The following FAM53A variants were observed in gnomAD, a reference collection of about 807,000 sequenced individuals.
FAM53A encodes family with sequence similarity 53 member A, also known as protein FAM53A.
FAM53A carries 28 observed loss-of-function variants against 26.6 expected under a neutral mutation model. That is an observed-to-expected ratio of 1.05 (90% CI 0.78 to 1.45). The LOEUF (loss-of-function observed/expected upper bound fraction) is 1.45, where lower values mean the gene tolerates loss of function less well. Ranked by LOEUF, FAM53A falls within the 40% of genes most tolerant of loss-of-function variation. The pLI is 0.00. For missense variants in FAM53A, 650 were observed against 575.8 expected, an observed-to-expected ratio of 1.13 and a Z score of -1.32; for synonymous variants, 290 against 253.1, an observed-to-expected ratio of 1.15 and a Z score of -1.38.
At chr4:1,586,819 G>A in the FAM53A span, among the ~76,000 whole-genome samples, 1 of 149,892 alleles carries the variant, frequency 6.7e-6, no homozygotes, top group Non-Finnish European at 1.5e-5. Context: ...TTGAATTGCT[G>A]AATCATGTGG....
downstream of FAM53A, among the ~76,000 whole-genome samples, chr4:1,614,522 G>A (rs897426291): frequency 8.6e-5 from 13 of 151,448 alleles, no homozygotes; most frequent in African/African-American, 1.7e-4. Context: ...ATGCAGAGAC[G>A]TGAGGGGGAT....
the FAM53A span, among the ~76,000 whole-genome samples, chr4:1,579,712 G>C: frequency 6.6e-6 from 1 of 152,212 alleles, no homozygotes; most frequent in Non-Finnish European, 1.5e-5. Flanking sequence ...CGACACCCGC[G>C]AGCCACGGCC....
the FAM53A span, among the ~76,000 whole-genome samples, chr4:1,606,040 CT>C: frequency 8.5e-4 from 116 of 135,806 alleles, no homozygotes; most frequent in Middle Eastern, 3.9e-3. Context: ...TCCTATGACT[CT>C]TTTTTTTTTT....
intron 1 of FAM53A, among the ~76,000 whole-genome samples, chr4:1,669,523 G>T (rs1263945188): frequency 6.6e-6 from 1 of 152,216 alleles, no homozygotes; most frequent in Admixed American, 6.5e-5. Context: ...GCGGCCCCAG[G>T]GCTGCTCCCA....
At chr4:1,672,157 C>G (rs1714713683) in intron 1 of FAM53A, among the ~76,000 whole-genome samples, 1 of 104,754 alleles carries the variant, frequency 9.5e-6, no homozygotes, top group Non-Finnish European at 2.2e-5. Context: ...CAGGTACCCA[C>G]AGACCCAGGA....
chr4:1,682,239 A>G (rs11934843), intron 1 of FAM53A, among the ~76,000 whole-genome samples: 18,414 of 150,604 alleles, frequency 0.12, 3,303 homozygotes, highest in African/African-American at 0.39. Flanking sequence ...ATGCCAAAAG[A>G]GTTTATATAA....
the FAM53A span, among the ~76,000 whole-genome samples, chr4:1,599,689 GC>G: frequency 1.3e-5 from 2 of 151,780 alleles, no homozygotes; most frequent in South Asian, 4.2e-4. This position sits in a 1 kb window ranked among gnomAD's most constrained non-coding sequence, Gnocchi z 6.1. Flanking sequence ...GGGAGGCTGC[GC>G]CCCCTCACAA....
At chr4:1,619,360 G>A (rs1230992441) in intron 1 of FAM53A, among the ~76,000 whole-genome samples, 1 of 152,204 alleles carries the variant, frequency 6.6e-6, no homozygotes, top group Non-Finnish European at 1.5e-5. Context: ...AGGCAAGGCA[G>A]GAGGGCAGAG....
intron 2 of FAM53A, among the ~76,000 whole-genome samples, chr4:1,668,359 C>T (rs546390356): frequency 2.0e-5 from 3 of 152,292 alleles, no homozygotes; most frequent in African/African-American, 2.4e-5. Flanking sequence ...AGGCTGGTTA[C>T]GAACTCCTGA....
chr4:1,621,101 C>CTTTTTTTTT (rs574102929), intron 1 of FAM53A, among the ~76,000 whole-genome samples: 2,351 of 95,342 alleles, frequency 0.025, 322 homozygotes, highest in African/African-American at 0.09. Context: ...AGCTACGCTA[C>CTTTTTTTTT]TTTTTTTTTT....
At chr4:1,675,317 C>A (rs1337584054) in intron 1 of FAM53A, among the ~76,000 whole-genome samples, 1 of 152,150 alleles carries the variant, frequency 6.6e-6, no homozygotes, top group Non-Finnish European at 1.5e-5. Context: ...GGAAGCACAG[C>A]CGGCATCAGG....
At chr4:1,621,681 C>T (rs1715042915) in intron 1 of FAM53A, among the ~76,000 whole-genome samples, 1 of 152,218 alleles carries the variant, frequency 6.6e-6, no homozygotes, top group South Asian at 2.1e-4. Flanking sequence ...GGGGCAGTCC[C>T]CCCATCCAAG....
At chr4:1,591,771 A>C in the FAM53A span, among the ~76,000 whole-genome samples, 2 of 152,184 alleles carry the variant, frequency 1.3e-5, no homozygotes, top group African/African-American at 4.8e-5. Flanking sequence ...CAGCAGAAGG[A>C]AACCCAGAGA....
intron 4 of FAM53A, among the ~76,000 whole-genome samples, chr4:1,642,873 G>C (rs1365116977): frequency 6.6e-6 from 1 of 152,250 alleles, no homozygotes; most frequent in Non-Finnish European, 1.5e-5. Context: ...GCTCAGGCTT[G>C]TGAGGGCACG....
At position 1,641,375 on chromosome 4, in the gene FAM53A, C is replaced by T. The variant is rs779534648; in HGVS notation, c.1115G>A (p.Arg372His). Residue 372 changes from arginine (R) to histidine (H), a missense_variant, in exon 5 of 5, where the codon CGT (arginine) becomes CAT (histidine). Arg to His is a conservative substitution (Grantham distance 29). Coordinates refer to ENST00000308132, the MANE Select transcript of FAM53A (RefSeq NM_001174070.3). ...DGSRRSSGDP[R>H]DGDSVGEEGV... is the part of the protein sequence containing the mutation. Reference sequence around the variant, plus strand: ...CTCCTCCCCGACACTGTCCCCATCACGGGGGTCCCCGCTGCTCCTGCGGGA... The same window carrying T: ...CTCCTCCCCGACACTGTCCCCATCATGGGGGTCCCCGCTGCTCCTGCGGGA... 34 of 1,610,554 alleles carry T rather than the reference C, an allele frequency of 2.1e-5. No homozygotes were observed. The highest frequency in any genetic ancestry group is 1.5e-4 in the South Asian group (14 of 90,712).
chr4:1,655,527 C>T lies in FAM53A; in HGVS notation c.333G>A (p.Ser111=), dbSNP rs761190684. 6 of 1,561,496 alleles carry T rather than the reference C, an allele frequency of 3.8e-6. No homozygotes were observed. The South Asian group carries it at 4.7e-5, about 12-fold the overall frequency. The change falls in exon 4 of 5, where the codon TCG becomes TCA. Residue 111 remains serine (S), a synonymous_variant. Transcript: ENST00000308132. ...GCCGCTTGGTCGGTGGGGCCGTGGACGAGCCTGTGCTTTCACTGGGGTCCA... is the reference window on the plus strand; with the variant it reads ...GCCGCTTGGTCGGTGGGGCCGTGGATGAGCCTGTGCTTTCACTGGGGTCCA... ...STVDPSESTG[S]STAPPTKRHC...
the FAM53A span, among the ~76,000 whole-genome samples, chr4:1,610,911 T>C: frequency 1.3e-5 from 2 of 152,152 alleles, no homozygotes; most frequent in African/African-American, 4.8e-5. Context: ...GGACCAGCCC[T>C]GTCCGCAGCA....
intron 2 of FAM53A, among the ~76,000 whole-genome samples, chr4:1,666,307 A>T (rs1714229005): frequency 7.8e-6 from 1 of 128,756 alleles, no homozygotes; most frequent in Admixed American, 7.9e-5. Context: ...TAAAACCTGC[A>T]CCTGCACCCC....
intron 4 of FAM53A, among the ~76,000 whole-genome samples, chr4:1,643,299 T>C (rs1471767994): frequency 6.6e-6 from 1 of 151,908 alleles, no homozygotes; most frequent in Non-Finnish European, 1.5e-5. Flanking sequence ...GCCCCGTCTC[T>C]ACTAAAAATA....
Sources: gnomAD v4.1 joint callset for allele counts (sites outside exome capture counted in the v4.1 genomes callset) on GRCh38, gnomAD v4.1.1 for gene constraint, Gnocchi (gnomAD v3.1) non-coding constraint, MANE v1.5 for transcripts, NCBI Gene and HGNC (gene_info 2026-07-23, HGNC 2026-07-21) for gene names.